NLRP11: variants seen among roughly 807,000 people sequenced by gnomAD.
NLRP11 encodes NLR family pyrin domain containing 11.
In NLRP11, 53 loss-of-function variants were observed where a neutral mutation model predicts 79.3. The ratio of observed to expected loss-of-function variants is 0.67; its 90% CI spans 0.54 to 0.84. The LOEUF is 0.84. Ranked by LOEUF, NLRP11 falls within the 40% of genes least tolerant of loss-of-function variation. The pLI is 0.00. For missense variants in NLRP11, 1,264 were observed against 1,255.0 expected (o/e 1.01, Z -0.11); for synonymous variants, 518 against 462.6 (o/e 1.12, Z -1.54).
chr19:55,795,541 G>C (rs1175912772), intron 6 of NLRP11, among the ~76,000 whole-genome samples: 1 of 151,952 alleles, frequency 6.6e-6, no homozygotes, highest in African/African-American at 2.4e-5. Context: ...CCAGGCTGGA[G>C]TGCAGTGGCA....
chr19:55,813,735 G>A (rs754836090), intron 2 of NLRP11, among the ~76,000 whole-genome samples: 1 of 152,094 alleles, frequency 6.6e-6, no homozygotes, highest in African/African-American at 2.4e-5. Context: ...TTTTCTCAGG[G>A]CCCTGGGCAG....
At chr19:55,788,244 C>T (rs1344912615) in intron 9 of NLRP11, among the ~76,000 whole-genome samples, 5 of 152,098 alleles carry the variant, frequency 3.3e-5, no homozygotes, top group South Asian at 2.1e-4. Context: ...AGAAAATATT[C>T]GTAGAACCCT....
chr19:55,819,430 A>G (rs1240052133), intron 1 of NLRP11, among the ~76,000 whole-genome samples: 1 of 152,216 alleles, frequency 6.6e-6, no homozygotes, highest in African/African-American at 2.4e-5. Flanking sequence ...TTTCAATGTC[A>G]GTCTAATCCT....
At chr19:55,817,368 A>C (rs1030070813) in intron 2 of NLRP11, among the ~76,000 whole-genome samples, 2 of 152,176 alleles carry the variant, frequency 1.3e-5, no homozygotes, top group African/African-American at 2.4e-5. Context: ...AAACACATGC[A>C]CACACATTTA....
At chr19:55,808,204 C>T (rs895874714) in intron 3 of NLRP11, among the ~76,000 whole-genome samples, 190 bp from the exon 4 acceptor site, 1 of 152,126 alleles carries the variant, frequency 6.6e-6, no homozygotes, top group South Asian at 2.1e-4. Context: ...CTGGTGATTC[C>T]ATATTCTGAT....
intron 2 of NLRP11, among the ~76,000 whole-genome samples, chr19:55,817,013 A>G (rs1380836437): frequency 6.6e-6 from 1 of 152,158 alleles, no homozygotes; most frequent in Non-Finnish European, 1.5e-5. Context: ...ACACAAATAG[A>G]TGCTTCTCAA....
chr19:55,820,150 G>A (rs1354574830), intron 1 of NLRP11, among the ~76,000 whole-genome samples: 1 of 152,130 alleles, frequency 6.6e-6, no homozygotes, highest in Non-Finnish European at 1.5e-5. Context: ...CCTGCAACTA[G>A]TAAGCAGTCA....
chr19:55,823,005 A>G (rs1327176525), intron 1 of NLRP11, among the ~76,000 whole-genome samples: 26 of 151,474 alleles, frequency 1.7e-4, no homozygotes, highest in South Asian at 8.3e-4. Context: ...GCAGACTTAA[A>G]TGTCCCTGTC....
chr19:55,809,032 C>A lies in NLRP11; in HGVS notation c.1578G>T (p.Val526=), dbSNP rs753550480. 4 of 1,614,072 alleles carry A rather than the reference C, an allele frequency of 2.5e-6. No homozygotes were observed. In the South Asian group the frequency reaches 3.3e-5, roughly 13 times the overall value. ...CACGGTCCAAATGTTTCATGTATCC[C>A]ACCGAGTACCACTTGAAGCTGTCTA... Residue 526 remains valine (V), a synonymous_variant, in exon 3 of 10, where the codon GTG becomes GTT. Coordinates refer to ENST00000589093, the Ensembl canonical transcript of NLRP11. The surrounding 1 kb of genome is among the most constrained non-coding windows in gnomAD (Gnocchi z 4.5).
intron 5 of NLRP11, chr19:55,798,469 TG>T (rs1285508697): frequency 1.8e-5 from 5 of 270,392 alleles, no homozygotes; most frequent in Non-Finnish European, 2.8e-5. Context: ...TGAGAACACA[TG>T]GACACATAGA....
intron 1 of NLRP11, among the ~76,000 whole-genome samples, chr19:55,828,717 GT>G (rs1239240471): frequency 2.0e-5 from 3 of 152,244 alleles, no homozygotes; most frequent in Non-Finnish European, 4.4e-5. Context: ...ATAAGATTGG[GT>G]TGTATTTTTT....
intron 5 of NLRP11, 97 bp from the exon 6 acceptor site, chr19:55,796,347 C>T (rs112358201): frequency 2.9e-5 from 27 of 933,634 alleles, no homozygotes; most frequent in Admixed American, 7.6e-5. Context: ...TAACCAAGTG[C>T]GATGATGTCT....
intron 6 of NLRP11, among the ~76,000 whole-genome samples, chr19:55,793,141 A>T (rs1978441144): frequency 6.6e-6 from 1 of 152,150 alleles, no homozygotes; most frequent in South Asian, 2.1e-4. Context: ...TGGCCTCCCA[A>T]AGTGCCGGAA....
Position 55,809,186 on chromosome 19 carries a change from C to T in NLRP11, c.1424G>A (p.Ser475Asn). 6.2e-7 allele frequency: 1 copy of T among 1,613,460 alleles called. No homozygotes were observed. Among genetic ancestry groups the T allele is most frequent in the South Asian group, 1.1e-5 (1 of 91,072 alleles). ...TTCTCTCTTCTCTTTATACTCTCTG[C>T]TGCCTGAGGGGATCAGATAGTTGGG... The change falls in exon 3 of 10, where the codon AGC becomes AAC. Residue 475 changes from serine (S) to asparagine (N), a missense_variant. Transcript: ENST00000589093. The surrounding 1 kb of genome is among the most constrained non-coding windows in gnomAD (Gnocchi z 4.5).
At chr19:55,797,603 T>C (rs1189022407) in intron 5 of NLRP11, among the ~76,000 whole-genome samples, 1 of 152,122 alleles carries the variant, frequency 6.6e-6, no homozygotes, top group Non-Finnish European at 1.5e-5. Context: ...GAGTAGGTCA[T>C]AGAGAAAGAA....
chr19:55,833,016 G>A (rs933139627), upstream of NLRP11: 3 of 152,096 alleles, frequency 2.0e-5, no homozygotes, highest in Non-Finnish European at 4.4e-5. Flanking sequence ...ATTCAAAGCA[G>A]CTTTGGTGAA....
intron 5 of NLRP11, among the ~76,000 whole-genome samples, chr19:55,799,312 T>C (rs1979246105): frequency 2.0e-5 from 3 of 152,178 alleles, no homozygotes. Context: ...TCACTGAGTC[T>C]GAAACCAGGA....
At chr19:55,808,128 T>A in intron 3 of NLRP11, 114 bp from the exon 4 acceptor site, 1 of 643,616 alleles carries the variant, frequency 1.6e-6, no homozygotes, top group African/African-American at 1.8e-5. Flanking sequence ...TCAGATTTAA[T>A]ACCATGCAGC....
chr19:55,787,643 G>C (rs1424305621), intron 9 of NLRP11, among the ~76,000 whole-genome samples: 1 of 152,164 alleles, frequency 6.6e-6, no homozygotes, highest in African/African-American at 2.4e-5. Flanking sequence ...GGCCAAATTT[G>C]CTTCTATCCA....
Sources: allele counts gnomAD v4.1 joint callset (sites outside exome capture counted in the v4.1 genomes callset), GRCh38; gene constraint gnomAD v4.1.1; non-coding constraint Gnocchi (gnomAD v3.1); transcripts MANE v1.5; gene names NCBI Gene and HGNC (gene_info 2026-07-23, HGNC 2026-07-21).